PCBP3: variants seen among roughly 807,000 people sequenced by gnomAD.
PCBP3 encodes the protein poly(rC)-binding protein 3.
Under a neutral mutation model 52.7 loss-of-function variants are expected in PCBP3, and 25 were observed. That is an observed-to-expected ratio of 0.47 (90% confidence interval 0.35 to 0.66). The LOEUF (loss-of-function observed/expected upper bound fraction) is 0.66. PCBP3 is among the 30% of genes least tolerant of loss of function. The pLI is 0.01. For synonymous variants in PCBP3, 162 were observed against 183.0 expected (o/e 0.89, Z 0.93); for missense variants, 391 against 490.3 (o/e 0.80, Z 1.91).
At chr21:45,756,023 C>T (rs2088002987) in intron 4 of PCBP3, among the ~76,000 whole-genome samples, 1 of 152,132 alleles carries the variant, frequency 6.6e-6, no homozygotes, top group Non-Finnish European at 1.5e-5. Context: ...AAGATTATCT[C>T]CTGTTTTCTC....
At chr21:45,756,751 A>G (rs1353951333) in intron 4 of PCBP3, among the ~76,000 whole-genome samples, 2 of 152,220 alleles carry the variant, frequency 1.3e-5, no homozygotes, top group Non-Finnish European at 2.9e-5. Context: ...TAATGGAATC[A>G]TACAACATGT....
At chr21:45,932,886 C>T (rs569858521) in intron 15 of PCBP3, among the ~76,000 whole-genome samples, 9 of 143,454 alleles carry the variant, frequency 6.3e-5, no homozygotes, top group African/African-American at 2.1e-4. Flanking sequence ...TGGTCCATGC[C>T]GTCATGAGAT....
In PCBP3 at chr21:45,880,336, TGCCATG is replaced by T. The variant is rs1460994696; in HGVS notation, c.11-15868_11-15863del. ...GGTCCTGACCCCACACAACTTCTTC[TGCCATG>T]GCCCAAACCCAGCCCTGTGCCGCCT... On this transcript the variant is annotated intron_variant, in intron 5 of 17. Transcript: ENST00000681687. This position sits in a 1 kb window ranked among gnomAD's most constrained non-coding sequence, Gnocchi z 5.4. Among the ~76,000 whole-genome samples, 5 of 152,124 alleles carry T rather than the reference TGCCATG, an allele frequency of 3.3e-5. No homozygotes were observed. Among genetic ancestry groups the T allele is most frequent in the African/African-American group, 1.2e-4 (5 of 41,404 alleles).
In PCBP3 at chr21:45,866,118, C is replaced by T. The variant is rs1163297351; in HGVS notation, c.10+16023C>T. Among the ~76,000 whole-genome samples the T allele has an allele frequency of 2.6e-5, 4 of 152,240 alleles. No homozygotes were observed. The East Asian group carries it at 7.7e-4, about 29-fold the overall frequency. ...CAAGTCAGTGGCTCTCCACGTGTGA[C>T]CCCTGGACCCCCCTTGCCATCACCT... On this transcript the variant is annotated intron_variant, in intron 5 of 17. Coordinates refer to ENST00000681687, the MANE Select transcript of PCBP3 (RefSeq NM_001384156.1).
At chr21:45,862,194 G>C (rs1267161220) in intron 5 of PCBP3, among the ~76,000 whole-genome samples, 1 of 141,346 alleles carries the variant, frequency 7.1e-6, no homozygotes, top group Non-Finnish European at 1.5e-5. Context: ...GGCGGGTGGG[G>C]GGACACGTAC....
intron 4 of PCBP3, among the ~76,000 whole-genome samples, chr21:45,784,395 CCG>C (rs2090906971): frequency 1.8e-5 from 2 of 113,586 alleles, no homozygotes; most frequent in African/African-American, 6.2e-5. Context: ...TCTACCTCTA[CCG>C]CTACCTCTAC....
rs1478257670 is a variant in PCBP3 at position 45,741,083 on chromosome 21, C to G, written c.-162+5654C>G. Among the ~76,000 whole-genome samples, 1 of 152,128 alleles carries G rather than the reference C, an allele frequency of 6.6e-6. No homozygotes were observed. On this transcript the variant is annotated intron_variant, in intron 3 of 17. Coordinates refer to ENST00000681687, the MANE Select transcript of PCBP3 (RefSeq NM_001384156.1). This position sits in a 1 kb window ranked among gnomAD's most constrained non-coding sequence, Gnocchi z 4.5. The stretch of plus-strand genomic sequence containing the variant: ...TCACTCCAGCTCCTCCTTATTTGGC[C>G]CCAGAGCACTGGGAACCTAGGAACA...
intron 4 of PCBP3, among the ~76,000 whole-genome samples, chr21:45,809,039 G>C (rs368079088): frequency 3.1e-4 from 47 of 152,172 alleles, no homozygotes; most frequent in Non-Finnish European, 4.7e-4. Flanking sequence ...GGGCCTGTTG[G>C]GGGGTGGGGG....
At chr21:45,937,465 C>A (rs1267913989) in intron 16 of PCBP3, among the ~76,000 whole-genome samples, 1 of 152,222 alleles carries the variant, frequency 6.6e-6, no homozygotes, top group Non-Finnish European at 1.5e-5. Context: ...GCTGCAGAAT[C>A]AGCCAGGCCT....
intron 13 of PCBP3, among the ~76,000 whole-genome samples, chr21:45,924,839 T>A (rs576487062): frequency 0.27 from 3,160 of 11,756 alleles, 9 homozygotes; most frequent in Admixed American, 0.37. Flanking sequence ...GGAACAGTCG[T>A]GTGGGTAGAA....
At chr21:45,720,948 C>G (rs574289168) in intron 2 of PCBP3, among the ~76,000 whole-genome samples, 2 of 152,368 alleles carry the variant, frequency 1.3e-5, no homozygotes, top group African/African-American at 4.8e-5. Flanking sequence ...CATAGCTTGG[C>G]TGGGTGTGGG....
chr21:45,658,026 T>C (rs1375303247), intron 1 of PCBP3, among the ~76,000 whole-genome samples: 4 of 152,228 alleles, frequency 2.6e-5, no homozygotes, highest in Non-Finnish European at 4.4e-5. Context: ...CACCAGTAAG[T>C]ATAGGTAGCT....
At chr21:45,810,209 G>A (rs2092640934) in intron 4 of PCBP3, among the ~76,000 whole-genome samples, 1 of 126,526 alleles carries the variant, frequency 7.9e-6, no homozygotes, top group African/African-American at 3.1e-5. Context: ...ACTTGGTCGT[G>A]ATTCGATTCT....
rs1019451734 is a variant in PCBP3, at chr21:45,940,168, A to G, written c.1048A>G (p.Ile350Val). ...CACCATCACGGGGACCCCGGCCAACATCAGCCTTGCCCAGTATCTCATCAA... is the reference window on the plus strand; with the variant it reads ...CACCATCACGGGGACCCCGGCCAACGTCAGCCTTGCCCAGTATCTCATCAA... ...QITITGTPAN[I>V]SLAQYLINAR... The change falls in exon 17 of 18, where the codon ATC (isoleucine) becomes GTC (valine). Residue 350 changes from isoleucine to valine, a missense_variant. By Grantham distance (29) the Ile-to-Val change is conservative (BLOSUM62 3). Transcript: ENST00000681687. 5.0e-6 allele frequency: 8 copies of G among 1,614,030 alleles called. No homozygotes were observed. Among genetic ancestry groups the G allele is most frequent in the Non-Finnish European group, 5.9e-6 (7 of 1,179,934 alleles).
intron 4 of PCBP3, among the ~76,000 whole-genome samples, chr21:45,757,939 T>C (rs11911110): frequency 0.012 from 1,752 of 151,778 alleles, 51 homozygotes; most frequent in African/African-American, 0.04. Flanking sequence ...CAAGCTGAGG[T>C]ACAGTGGTGC....
intron 14 of PCBP3, among the ~76,000 whole-genome samples, chr21:45,930,264 G>C (rs1215846657): frequency 6.6e-6 from 1 of 152,048 alleles, no homozygotes; most frequent in African/African-American, 2.4e-5. Flanking sequence ...TCTGCCCACC[G>C]AGGGTCTGCA....
At chr21:45,935,378 C>T (rs748721128) in intron 16 of PCBP3, 73 bp downstream of exon 16, 2 of 1,135,422 alleles carry the variant, frequency 1.8e-6, no homozygotes, top group Non-Finnish European at 1.3e-6. Context: ...GCTCTGCTGT[C>T]CTTTGGGCAG....
intron 9 of PCBP3, among the ~76,000 whole-genome samples, chr21:45,903,324 C>T (rs2096115153): frequency 6.6e-6 from 1 of 152,166 alleles, no homozygotes; most frequent in South Asian, 2.1e-4. Flanking sequence ...TTTGAATGAC[C>T]TAGGGACCGA....
At chr21:45,900,756 C>G (rs1294217045) in intron 8 of PCBP3, 133 bp downstream of exon 8, 7 of 745,266 alleles carry the variant, frequency 9.4e-6, no homozygotes, top group Non-Finnish European at 1.6e-5. Context: ...AGTGCGGGGC[C>G]TCTTTTCCCC....
Sources: gnomAD v4.1 joint callset for allele counts (sites outside exome capture counted in the v4.1 genomes callset) on GRCh38, gnomAD v4.1.1 for gene constraint, Gnocchi (gnomAD v3.1) non-coding constraint, MANE v1.5 for transcripts, NCBI Gene and HGNC (gene_info 2026-07-23, HGNC 2026-07-21) for gene names.